MCC: variants seen among roughly 807,000 people sequenced by gnomAD.
MCC encodes the protein colorectal mutant cancer protein.
MCC carries 90 observed loss-of-function variants against 116.2 expected under a neutral mutation model. The observed-to-expected ratio is 0.77, with a 90% CI of 0.65 to 0.92. The LOEUF is 0.92. MCC is among the 40% of genes least tolerant of loss of function. The pLI is 0.00. For missense variants in MCC, 1,516 were observed against 1,312.2 expected, an observed-to-expected ratio of 1.16 and a Z score of -2.40; for synonymous variants, 578 against 510.5, an observed-to-expected ratio of 1.13 and a Z score of -1.78.
rs117140269 is a variant in MCC at position 113,220,639 on chromosome 5, T to C, written c.628-69217A>G. ...ATTGTTCATTACTAGAATACAGAAA[T>C]ATAATGGATTTTTCTGTATTTCCTT... On this transcript the variant is annotated intron_variant, in intron 3 of 18. Coordinates refer to ENST00000408903, the MANE Select transcript of MCC (RefSeq NM_001085377.2). 7.2e-5 allele frequency among the ~76,000 whole-genome samples: 11 copies of C among 152,334 alleles called. No individual in the cohort carries two copies. In the East Asian group the frequency reaches 2.1e-3, roughly 29 times the overall value.
intron 3 of MCC, among the ~76,000 whole-genome samples, chr5:113,252,770 T>C (rs140573528): frequency 2.5e-4 from 37 of 149,558 alleles, no homozygotes; most frequent in African/African-American, 8.4e-4. Flanking sequence ...GTAGTTGCTA[T>C]GGCACCCCCA....
chr5:113,078,959 A>C (rs1436625126), intron 11 of MCC, among the ~76,000 whole-genome samples: 1 of 152,230 alleles, frequency 6.6e-6, no homozygotes, highest in Admixed American at 6.5e-5. Context: ...ACTTCAGAAA[A>C]GTCTCAGGAT....
intron 11 of MCC, among the ~76,000 whole-genome samples, chr5:113,078,453 T>C (rs953102806): frequency 1.3e-5 from 2 of 152,176 alleles, no homozygotes; most frequent in Non-Finnish European, 2.9e-5. Context: ...AAAAAGCTTA[T>C]CCACCATGAT....
chr5:113,076,984 A>C lies in MCC; in HGVS notation c.1785-5750T>G, dbSNP rs182853408. Among the ~76,000 whole-genome samples, 244 of 152,334 alleles carry C rather than the reference A, an allele frequency of 1.6e-3. 1 individual carries two copies. The highest frequency in any genetic ancestry group is 3.7e-3 in the Admixed American group (56 of 15,298). ...AAGATCTACCAAGCAAATGGAAAAC[A>C]AAAAGAAGCAGGGGTTGCAATCCTA... is the stretch of plus-strand genomic sequence containing the variant. On this transcript the variant is annotated intron_variant, in intron 11 of 18. Transcript: ENST00000408903.
At position 113,216,089 on chromosome 5, in the gene MCC, T is replaced by C. The variant is rs146348793; in HGVS notation, c.628-64667A>G. Among the ~76,000 whole-genome samples the C allele has an allele frequency of 2.1e-4, 32 of 152,370 alleles. No homozygotes were observed. In the East Asian group the frequency reaches 5.4e-3, roughly 26 times the overall value. On this transcript the variant is annotated intron_variant, in intron 3 of 18. Coordinates refer to ENST00000408903, the MANE Select transcript of MCC (RefSeq NM_001085377.2). ...ACCTGTTTTTGTGAATAAAGTTTTA[T>C]TGGAACATAGGTATGCCCCCTTTAT...
intron 3 of MCC, among the ~76,000 whole-genome samples, chr5:113,335,957 A>G (rs1581408484): frequency 1.3e-5 from 2 of 151,740 alleles, no homozygotes; most frequent in Non-Finnish European, 2.9e-5. Flanking sequence ...GTAATTTATA[A>G]TGAATAGAAA....
chr5:113,169,524 A>C (rs761021447), intron 3 of MCC, among the ~76,000 whole-genome samples: 1 of 152,096 alleles, frequency 6.6e-6, no homozygotes, highest in Non-Finnish European at 1.5e-5. Context: ...GTGCACTGAG[A>C]AACAAGTAAA....
At chr5:113,085,429 A>G in intron 8 of MCC, 119 bp from the exon 9 acceptor site, 1 of 947,910 alleles carries the variant, frequency 1.1e-6, no homozygotes, top group Non-Finnish European at 1.6e-6. Context: ...CTGAAAAGCT[A>G]GGTTGGTTGA....
At chr5:113,082,731 C>T (rs1754943049) in intron 11 of MCC, 129 bp downstream of exon 11, 2 of 1,129,766 alleles carry the variant, frequency 1.8e-6, no homozygotes, top group Non-Finnish European at 2.5e-6. Flanking sequence ...GAACTTCCAT[C>T]CCCACCAGCC....
chr5:113,469,486 T>A (rs1191068825), intron 1 of MCC, among the ~76,000 whole-genome samples: 6 of 152,224 alleles, frequency 3.9e-5, no homozygotes, highest in African/African-American at 4.8e-5. Flanking sequence ...CATGTAGTTG[T>A]GCGGTTTTGA....
At chr5:113,049,930 AGT>A (rs1406830939) in intron 15 of MCC, among the ~76,000 whole-genome samples, 1 of 152,230 alleles carries the variant, frequency 6.6e-6, no homozygotes, top group East Asian at 1.9e-4. Context: ...AACTTCTAAA[AGT>A]ATCCTAAGAA....
At chr5:113,194,004 T>C (rs979740873) in intron 3 of MCC, among the ~76,000 whole-genome samples, 6 of 152,242 alleles carry the variant, frequency 3.9e-5, no homozygotes, top group African/African-American at 1.4e-4. Context: ...TTCTACCTCA[T>C]GTTTACAGGT....
intron 3 of MCC, among the ~76,000 whole-genome samples, chr5:113,286,158 T>C (rs902994102): frequency 9.9e-5 from 15 of 152,208 alleles, no homozygotes; most frequent in African/African-American, 3.4e-4. Context: ...CTTGTAAGTA[T>C]TCTGAACACA....
At chr5:113,444,203 G>A (rs376357882) in intron 1 of MCC, among the ~76,000 whole-genome samples, 14 of 152,188 alleles carry the variant, frequency 9.2e-5, no homozygotes, top group African/African-American at 3.1e-4. Flanking sequence ...ACAAATACAG[G>A]TTACAGGTCA....
chr5:113,270,710 G>A (rs1581346747), intron 3 of MCC, among the ~76,000 whole-genome samples: 1 of 149,242 alleles, frequency 6.7e-6, no homozygotes, highest in Non-Finnish European at 1.5e-5. Context: ...CACTTAGAAA[G>A]TTGAGAAACA....
At chr5:113,092,948 T>C (rs903612089) in intron 8 of MCC, among the ~76,000 whole-genome samples, 1 of 152,186 alleles carries the variant, frequency 6.6e-6, no homozygotes, top group Non-Finnish European at 1.5e-5. Context: ...TGGGAAGCAA[T>C]TTGATTGTCA....
intron 3 of MCC, among the ~76,000 whole-genome samples, chr5:113,256,441 A>C (rs1765007823): frequency 6.6e-6 from 1 of 152,222 alleles, no homozygotes; most frequent in African/African-American, 2.4e-5. Context: ...AAGAGTCACC[A>C]AGCTATTACA....
intron 1 of MCC, among the ~76,000 whole-genome samples, chr5:113,451,546 C>T (rs538646982): frequency 2.5e-4 from 38 of 152,146 alleles, no homozygotes; most frequent in Non-Finnish European, 5.1e-4. Context: ...ACCAGCCTGA[C>T]CAACATGGAG....
Position 113,027,309 on chromosome 5 carries a change from G to C in MCC, c.3053C>G (p.Ser1018Trp). 1 of 1,614,076 alleles carries C rather than the reference G, an allele frequency of 6.2e-7. No individual in the cohort carries two copies. The highest frequency in any genetic ancestry group is 8.5e-7 in the Non-Finnish European group (1 of 1,179,978). The change falls in exon 19 of 19, where the codon TCG (serine) becomes TGG (tryptophan). Residue 1018 changes from serine to tryptophan, a missense_variant. Physicochemically the swap from Ser to Trp is radical, Grantham distance 177. Coordinates refer to ENST00000408903, the MANE Select transcript of MCC (RefSeq NM_001085377.2). ...ENSRPHTNETSL is the reference protein window; with the variant it reads ...ENSRPHTNETWL ...CCGGTGCGTGAGTGCTGATTAAAGCGAAGTTTCATTGGTGTGTGGCCTGGA... is the reference window on the plus strand; with the variant it reads ...CCGGTGCGTGAGTGCTGATTAAAGCCAAGTTTCATTGGTGTGTGGCCTGGA...
Sources: allele counts gnomAD v4.1 joint callset (sites outside exome capture counted in the v4.1 genomes callset), GRCh38; gene constraint gnomAD v4.1.1; transcripts MANE v1.5; gene names NCBI Gene and HGNC (gene_info 2026-07-23, HGNC 2026-07-21).